The following KALRN variants were observed in gnomAD, a reference collection of about 807,000 sequenced individuals.
KALRN encodes kalirin RhoGEF kinase.
In KALRN, 70 loss-of-function variants were observed where a neutral mutation model predicts 353.7. That is an observed-to-expected ratio of 0.20 (90% CI 0.16 to 0.24). KALRN has a LOEUF of 0.24. Ranked by LOEUF, KALRN falls within the 10% of genes least tolerant of loss-of-function variation. KALRN has a pLI of 1.00. For synonymous variants in KALRN, 1,391 were observed against 1,434.8 expected, an observed-to-expected ratio of 0.97 and a Z score of 0.69; for missense variants, 2,791 against 3,756.7, an observed-to-expected ratio of 0.74 and a Z score of 6.72.
intron 14 of KALRN, among the ~76,000 whole-genome samples, chr3:124,421,881 AG>A (rs2092798177): frequency 1.3e-5 from 2 of 152,210 alleles, no homozygotes; most frequent in Admixed American, 1.3e-4. Context: ...ATATAGGAAA[AG>A]TAAGACAAGG....
chr3:124,651,175 T>C (rs1156500360), intron 38 of KALRN, among the ~76,000 whole-genome samples: 2 of 152,216 alleles, frequency 1.3e-5, no homozygotes, highest in Non-Finnish European at 2.9e-5. Context: ...TGACAAAGTG[T>C]GGTTGTAGGT....
rs189982338 is a variant in KALRN, at chr3:124,136,132, A to G, written c.74-91858A>G. Among the ~76,000 whole-genome samples the G allele has an allele frequency of 4.6e-5, 7 of 152,244 alleles. 1 individual carries two copies. Among genetic ancestry groups the G allele is most frequent in the African/African-American group, 1.7e-4 (7 of 41,568 alleles). On this transcript the variant is annotated intron_variant, in intron 1 of 59. Coordinates refer to ENST00000682506, the MANE Select transcript of KALRN (RefSeq NM_001388419.1). ...CTGGGATGGGGCCCAGACTGGTATT[A>G]TTTTAAAAGCTCCCCAGCTTATTTT... is the stretch of plus-strand genomic sequence containing the variant.
chr3:124,339,699 G>T (rs1213669288), intron 9 of KALRN, among the ~76,000 whole-genome samples: 2 of 152,216 alleles, frequency 1.3e-5, no homozygotes, highest in African/African-American at 4.8e-5. Context: ...ATGTCTTGTA[G>T]ATGCCTGATG....
At chr3:124,656,550 G>A (rs2084063684) in intron 39 of KALRN, among the ~76,000 whole-genome samples, 1 of 152,218 alleles carries the variant, frequency 6.6e-6, no homozygotes, top group South Asian at 2.1e-4. Context: ...GGCGGAGCTT[G>A]CAGTGAGCTG....
intron 1 of KALRN, among the ~76,000 whole-genome samples, chr3:124,051,649 T>C (rs2041056251): frequency 6.6e-6 from 1 of 152,174 alleles, no homozygotes; most frequent in South Asian, 2.1e-4. Context: ...CTTTCACCTC[T>C]TTTGATGCGG....
intron 10 of KALRN, among the ~76,000 whole-genome samples, chr3:124,368,508 G>C (rs956254655): frequency 1.3e-5 from 2 of 150,904 alleles, no homozygotes. Flanking sequence ...TGTGATGGTG[G>C]CTGGGAAGAG....
intron 34 of KALRN, among the ~76,000 whole-genome samples, chr3:124,618,086 C>CTTTTTTTTTTTTT (rs71145464): frequency 3.2e-5 from 2 of 63,354 alleles, no homozygotes; most frequent in Non-Finnish European, 5.5e-5. Flanking sequence ...GTGCAGAAAT[C>CTTTTTTTTTTTTT]TTTTTTTTTT....
intron 1 of KALRN, among the ~76,000 whole-genome samples, chr3:124,052,134 C>T (rs1353052497): frequency 1.3e-5 from 2 of 152,190 alleles, no homozygotes; most frequent in Non-Finnish European, 2.9e-5. Flanking sequence ...TCTTTCATCT[C>T]TACAGCTCAA....
rs2080955986 is a variant in KALRN, at chr3:124,334,790, C to CTTTTG, written c.1647+310_1647+314dup. On this transcript the variant is annotated intron_variant, in intron 9 of 59. Coordinates refer to ENST00000682506, the MANE Select transcript of KALRN (RefSeq NM_001388419.1). The surrounding 1 kb of genome is among the most constrained non-coding windows in gnomAD (Gnocchi z 4.2). The stretch of plus-strand genomic sequence containing the variant: ...CCTCGTAGTCATGTGGCACATTTTT[C>CTTTTG]TTTTGTTTTGTTTTGTTTTTTGGAA... Among the ~76,000 whole-genome samples, 5 of 152,232 alleles carry CTTTTG rather than the reference C, an allele frequency of 3.3e-5. No homozygotes were observed. Among genetic ancestry groups the CTTTTG allele is most frequent in the Middle Eastern group, 3.4e-3 (1 of 294 alleles).
intron 1 of KALRN, among the ~76,000 whole-genome samples, chr3:124,049,634 T>C (rs950684484): frequency 6.6e-6 from 1 of 152,198 alleles, no homozygotes; most frequent in Non-Finnish European, 1.5e-5. Flanking sequence ...ACTTGAGGAC[T>C]GTACATTTTT....
rs868570755 is a variant in KALRN at position 124,719,818 on chromosome 3, T to G, written c.*348T>G. 1.9e-5 allele frequency: 4 copies of G among 207,806 alleles called. No homozygotes were observed. Among genetic ancestry groups the G allele is most frequent in the Non-Finnish European group, 3.9e-5 (4 of 101,982 alleles). 12.9% of individuals were successfully genotyped at this position (207,806 alleles called of 1,614,324 possible). The stretch of plus-strand genomic sequence containing the variant: ...GGCAAACCTTAAGCTCACAAGAGTA[T>G]AAAAGATCTCTGGCTTTGCTGAAAT... On this transcript the variant is annotated 3_prime_UTR_variant, in exon 60 of 60. Transcript: ENST00000682506. This position sits in a 1 kb window ranked among gnomAD's most constrained non-coding sequence, Gnocchi z 5.3.
At chr3:124,405,293 C>A (rs1437753481) in intron 13 of KALRN, among the ~76,000 whole-genome samples, 2 of 152,178 alleles carry the variant, frequency 1.3e-5, no homozygotes, top group Non-Finnish European at 2.9e-5. Flanking sequence ...TCAGATCACT[C>A]TGTAATGGGG....
intron 51 of KALRN, among the ~76,000 whole-genome samples, chr3:124,688,891 C>T (rs1197692307): frequency 6.6e-6 from 1 of 152,216 alleles, no homozygotes; most frequent in East Asian, 1.9e-4. Flanking sequence ...TTTCCTCTTA[C>T]CTGACTGCCC....
At chr3:124,421,871 A>G (rs1210937703) in intron 14 of KALRN, among the ~76,000 whole-genome samples, 1 of 152,188 alleles carries the variant, frequency 6.6e-6, no homozygotes, top group African/African-American at 2.4e-5. Context: ...TTGGAAAAGT[A>G]TATAGGAAAA....
chr3:124,431,002 A>G (rs1201118812), intron 16 of KALRN, among the ~76,000 whole-genome samples: 2 of 152,204 alleles, frequency 1.3e-5, no homozygotes, highest in African/African-American at 2.4e-5. Context: ...CACACTTCAT[A>G]TGAGAATCTT....
intron 33 of KALRN, among the ~76,000 whole-genome samples, chr3:124,538,272 G>A (rs761904892): frequency 6.6e-6 from 1 of 151,828 alleles, no homozygotes; most frequent in Non-Finnish European, 1.5e-5. Context: ...GTGTGTGTGT[G>A]TGTGTATGTA....
chr3:124,514,002 T>C (rs2066254448), intron 33 of KALRN, among the ~76,000 whole-genome samples: 1 of 152,184 alleles, frequency 6.6e-6, no homozygotes. Context: ...GGATGCATGA[T>C]AAAACAAATA....
At chr3:124,659,276 A>G in intron 42 of KALRN, 89 bp from the exon 43 acceptor site, 2 of 853,774 alleles carry the variant, frequency 2.3e-6, no homozygotes, top group Admixed American at 3.7e-5. Flanking sequence ...GAAAACATGC[A>G]GACCTGTCTT....
intron 1 of KALRN, among the ~76,000 whole-genome samples, chr3:124,166,540 AATTAT>A (rs1304122394): frequency 1.3e-5 from 2 of 152,168 alleles, no homozygotes; most frequent in African/African-American, 2.4e-5. Flanking sequence ...TTTATAAGAA[AATTAT>A]ATTATGTCTC....
Sources: allele counts gnomAD v4.1 joint callset (sites outside exome capture counted in the v4.1 genomes callset), GRCh38; gene constraint gnomAD v4.1.1; non-coding constraint Gnocchi (gnomAD v3.1); transcripts MANE v1.5; gene names NCBI Gene and HGNC (gene_info 2026-07-23, HGNC 2026-07-21).